The following SLC14A2 variants were observed in gnomAD, a reference collection of about 807,000 sequenced individuals.
The protein encoded by SLC14A2 is solute carrier family 14 member 2, also known as urea transporter 2.
SLC14A2 carries 91 observed loss-of-function variants against 104.6 expected under a neutral mutation model. The ratio of observed to expected loss-of-function variants is 0.87; its 90% CI spans 0.73 to 1.04. The LOEUF (loss-of-function observed/expected upper bound fraction) is 1.04. Among genes scored for constraint, SLC14A2 ranks in the 50% least tolerant of loss-of-function variants. SLC14A2 has a pLI of 0.00. For missense variants in SLC14A2, 1,189 were observed against 1,156.0 expected, an observed-to-expected ratio of 1.03 and a Z score of -0.41; for synonymous variants, 476 against 466.4, an observed-to-expected ratio of 1.02 and a Z score of -0.27.
intron 10 of SLC14A2, among the ~76,000 whole-genome samples, chr18:45,650,071 G>A (rs528903456): frequency 6.6e-6 from 1 of 152,228 alleles, no homozygotes; most frequent in Non-Finnish European, 1.5e-5. Context: ...TCCATGTGAT[G>A]GGCCTCTTTG....
chr18:45,219,281 CTT>C (rs1306824149), intron 1 of SLC14A2, among the ~76,000 whole-genome samples: 1 of 152,086 alleles, frequency 6.6e-6, no homozygotes, highest in Non-Finnish European at 1.5e-5. Flanking sequence ...TTTTAATACT[CTT>C]GTCTGCATTT....
At chr18:45,215,424 G>GAA (rs560117452) in intron 1 of SLC14A2, among the ~76,000 whole-genome samples, 1 of 148,732 alleles carries the variant, frequency 6.7e-6, no homozygotes, top group Non-Finnish European at 1.5e-5. Context: ...GCCCTAGTCA[G>GAA]AAAAAAAAAG....
At chr18:45,662,751 T>C (rs968302024) in intron 10 of SLC14A2, among the ~76,000 whole-genome samples, 1 of 152,096 alleles carries the variant, frequency 6.6e-6, no homozygotes, top group African/African-American at 2.4e-5. Context: ...GATGTAATAG[T>C]GTGAATGTTT....
At chr18:45,464,737 G>A (rs1344317043) in intron 1 of SLC14A2, among the ~76,000 whole-genome samples, 1 of 152,186 alleles carries the variant, frequency 6.6e-6, no homozygotes, top group African/African-American at 2.4e-5. Flanking sequence ...TGTGACCTTT[G>A]CAGGTTGTCG....
chr18:45,535,947 A>C (rs2043774007), intron 2 of SLC14A2, among the ~76,000 whole-genome samples: 1 of 152,232 alleles, frequency 6.6e-6, no homozygotes, highest in Non-Finnish European at 1.5e-5. Context: ...GCAATGAATG[A>C]GCAAGTAAAG....
rs769811014 is a variant in SLC14A2 at position 45,625,770 on chromosome 18, C to T, written c.238C>T (p.His80Tyr). Residue 80 changes from histidine (H) to tyrosine (Y), a missense_variant, in exon 3 of 20, where the codon CAT (histidine) becomes TAT (tyrosine). Coordinates refer to ENST00000255226, the MANE Select transcript of SLC14A2 (RefSeq NM_007163.4). ...RSKRKDDGVA[H>Y]RDSAGQRCIC... The stretch of plus-strand genomic sequence containing the variant: ...TAAAAGGAAAGACGACGGGGTGGCC[C>T]ATCGGGACTCAGCAGGCCAAAGGTG... 9.6e-6 allele frequency: 15 copies of T among 1,561,946 alleles called. No homozygotes were observed. In the Admixed American group the frequency reaches 2.6e-4, roughly 27 times the overall value.
chr18:45,229,843 C>A (rs2084157252), intron 1 of SLC14A2, among the ~76,000 whole-genome samples: 1 of 151,460 alleles, frequency 6.6e-6, no homozygotes, highest in Non-Finnish European at 1.5e-5. Context: ...CAACTCTTCA[C>A]CCTATGGAAT....
At chr18:45,203,564 A>G in the SLC14A2 span, among the ~76,000 whole-genome samples, 3 of 152,180 alleles carry the variant, frequency 2.0e-5, no homozygotes, top group Non-Finnish European at 4.4e-5. Flanking sequence ...TCATTTTCCT[A>G]TTATTAAAAT....
chr18:45,593,704 T>G lies in SLC14A2; in HGVS notation c.-34-30927T>G, dbSNP rs560368140. Among the ~76,000 whole-genome samples, 23 of 152,104 alleles carry G rather than the reference T, an allele frequency of 1.5e-4. 1 individual carries two copies. The highest frequency in any genetic ancestry group is 5.1e-4 in the African/African-American group (21 of 41,518). On this transcript the variant is annotated intron_variant, in intron 2 of 20. Coordinates refer to the SLC14A2 transcript ENST00000586448. ...CGGGGTTTCACCGTGTTAGCCAGAA[T>G]GGTCTCGATCTCCTGACCTCTTGAT...
At chr18:45,462,292 C>A (rs1164442976) in intron 1 of SLC14A2, among the ~76,000 whole-genome samples, 1 of 152,190 alleles carries the variant, frequency 6.6e-6, no homozygotes, top group Non-Finnish European at 1.5e-5. Flanking sequence ...AACCTCAGTA[C>A]AAAAGGCATA....
intron 9 of SLC14A2, among the ~76,000 whole-genome samples, chr18:45,643,402 T>C (rs546772988): frequency 2.4e-4 from 36 of 152,254 alleles, no homozygotes; most frequent in African/African-American, 8.4e-4. Context: ...TGTTGAAAGA[T>C]TGCAATGTAA....
intron 1 of SLC14A2, among the ~76,000 whole-genome samples, chr18:45,475,635 TATTTAGG>T (rs1487496920): frequency 3.2e-3 from 145 of 44,762 alleles, no homozygotes; most frequent in South Asian, 9.1e-3. Context: ...TATATATATA[TATTTAGG>T]ATATATATAT....
rs1459184904 is a variant in SLC14A2, at chr18:45,665,775, G to A, written c.1475-362G>A. Among the ~76,000 whole-genome samples, 15 of 124,496 alleles carry A rather than the reference G, an allele frequency of 1.2e-4. No individual in the cohort carries two copies. In the Admixed American group the frequency reaches 1.4e-3, roughly 12 times the overall value. 81.7% of individuals were successfully genotyped at this position (124,496 alleles called of 152,430 possible). On this transcript the variant is annotated intron_variant, in intron 11 of 19. Transcript: ENST00000255226. The stretch of plus-strand genomic sequence containing the variant: ...AAAGAACCCTGGATTCCGGGATCAA[G>A]CACAAGTCACTGTCTCTCCAGGCTG...
intron 1 of SLC14A2, among the ~76,000 whole-genome samples, chr18:45,362,918 G>C (rs1263612250): frequency 2.0e-5 from 3 of 150,064 alleles, no homozygotes; most frequent in Non-Finnish European, 3.0e-5. Context: ...CCCCATGCTA[G>C]GGACAGATCT....
chr18:45,622,612 C>T (rs750945189), intron 1 of SLC14A2, among the ~76,000 whole-genome samples: 37 of 152,124 alleles, frequency 2.4e-4, no homozygotes, highest in Non-Finnish European at 4.1e-4. Context: ...GAAGAGGGCC[C>T]GGAACAGGGG....
chr18:45,668,097 C>T, intron 14 of SLC14A2, 75 bp downstream of exon 14: 1 of 1,421,252 alleles, frequency 7.0e-7, no homozygotes, highest in Admixed American at 1.8e-5. Context: ...TTCCTCTTCC[C>T]AGCTGAGAAA....
At chr18:45,395,496 A>G (rs776886945) in intron 1 of SLC14A2, among the ~76,000 whole-genome samples, 6 of 152,210 alleles carry the variant, frequency 3.9e-5, no homozygotes, top group Non-Finnish European at 5.9e-5. Flanking sequence ...CATATAGTTA[A>G]CAAAACTGTT....
At chr18:45,202,344 T>A in the SLC14A2 span, among the ~76,000 whole-genome samples, 1 of 152,150 alleles carries the variant, frequency 6.6e-6, no homozygotes, top group East Asian at 1.9e-4. Flanking sequence ...GATAAAGTCA[T>A]AGCTAATGTA....
intron 2 of SLC14A2, among the ~76,000 whole-genome samples, chr18:45,509,624 G>C (rs2043336281): frequency 6.6e-6 from 1 of 152,224 alleles, no homozygotes; most frequent in African/African-American, 2.4e-5. Flanking sequence ...GAATGGAAAA[G>C]TTGAGACTGG....
Sources: gnomAD v4.1 joint callset for allele counts (sites outside exome capture counted in the v4.1 genomes callset) on GRCh38, gnomAD v4.1.1 for gene constraint, MANE v1.5 for transcripts, NCBI Gene and HGNC (gene_info 2026-07-23, HGNC 2026-07-21) for gene names.